The following SEMA3A variants were observed in gnomAD, a reference collection of about 807,000 sequenced individuals.
The protein encoded by SEMA3A is semaphorin-3A.
Under a neutral mutation model 97.9 loss-of-function variants are expected in SEMA3A, and 29 were observed. The observed-to-expected ratio is 0.30, with a 90% CI of 0.22 to 0.40. The LOEUF (loss-of-function observed/expected upper bound fraction) is 0.40. Ranked by LOEUF, SEMA3A falls within the 10% of genes least tolerant of loss-of-function variation. The pLI is 1.00. For synonymous variants in SEMA3A, 321 were observed against 323.7 expected (o/e 0.99, Z 0.09); for missense variants, 763 against 951.3 (o/e 0.80, Z 2.60).
chr7:83,985,416 G>C lies in SEMA3A; in HGVS notation c.1494+20C>G, dbSNP rs1789586172. 1 of 1,563,120 alleles carries C rather than the reference G, an allele frequency of 6.4e-7. No individual in the cohort carries two copies. Among genetic ancestry groups the C allele is most frequent in the Admixed American group, 1.7e-5 (1 of 58,586 alleles). ...TTAACAAAATATTGGATATTCAATG[G>C]TAATACATAATGATAGTACCTGCTT... On this transcript the variant is annotated intron_variant, in intron 13 of 16. Coordinates refer to ENST00000265362, the MANE Select transcript of SEMA3A (RefSeq NM_006080.3).
At chr7:84,175,953 A>G (rs1433328623) in intron 1 of SEMA3A, among the ~76,000 whole-genome samples, 1 of 152,182 alleles carries the variant, frequency 6.6e-6, no homozygotes, top group Non-Finnish European at 1.5e-5. Flanking sequence ...TGATCCACCA[A>G]CACTAACAAG....
At chr7:84,270,522 G>T (rs1481796374) in intron 3 of SEMA3A, among the ~76,000 whole-genome samples, 2 of 146,404 alleles carry the variant, frequency 1.4e-5, no homozygotes, top group East Asian at 2.0e-4. Flanking sequence ...CTCTCTATAT[G>T]CATATATATG....
rs529536848 is a variant in SEMA3A at position 84,021,061 on chromosome 7, G to A, written c.668-6710C>T. 6.2e-4 allele frequency among the ~76,000 whole-genome samples: 95 copies of A among 152,268 alleles called. 1 individual carries two copies. In the South Asian group the frequency reaches 0.019, roughly 31 times the overall value. On this transcript the variant is annotated intron_variant, in intron 6 of 16. Transcript: ENST00000265362. ...TGGATCAATATATATACTTGAGGTG[G>A]GTCACGATTTTGGCTCCCAAGTTTT...
At chr7:84,300,032 C>CAAAAA (rs58929555) in intron 3 of SEMA3A, among the ~76,000 whole-genome samples, 57 of 52,874 alleles carry the variant, frequency 1.1e-3, no homozygotes, top group African/African-American at 2.0e-3. Flanking sequence ...GACTCAGTCA[C>CAAAAA]AAAAAAAAAA....
rs536214389 is a variant in SEMA3A, at chr7:84,200,456, G to GT, written c.-82-5789dup. Among the ~76,000 whole-genome samples the GT allele has an allele frequency of 5.9e-5, 9 of 152,146 alleles. No homozygotes were observed. The East Asian group carries it at 1.7e-3, about 29-fold the overall frequency. On this transcript the variant is annotated intron_variant, in intron 3 of 3. Transcript: ENST00000424555. ...CCAGTAGGTGAATTTTATTAGGTTG[G>GT]TAAGTTTGAGTGGAGGATGAAAGAG...
At chr7:84,183,307 T>G (rs1208410965) in intron 1 of SEMA3A, among the ~76,000 whole-genome samples, 1 of 152,168 alleles carries the variant, frequency 6.6e-6, no homozygotes, top group African/African-American at 2.4e-5. Context: ...GTGAAATTTT[T>G]TTTTCAGTAG....
chr7:84,249,975 T>A (rs1414628886), intron 3 of SEMA3A, among the ~76,000 whole-genome samples: 1 of 151,596 alleles, frequency 6.6e-6, no homozygotes, highest in Non-Finnish European at 1.5e-5. Context: ...TCTAATTGAC[T>A]CTGCTCAAAC....
chr7:84,405,112 G>A (rs554801340), intron 1 of SEMA3A, among the ~76,000 whole-genome samples: 3 of 152,206 alleles, frequency 2.0e-5, no homozygotes, highest in South Asian at 4.2e-4. Context: ...ATTGGATAAA[G>A]GGTCAAGACC....
chr7:84,416,341 C>T (rs546833205), intron 1 of SEMA3A, among the ~76,000 whole-genome samples: 42 of 152,156 alleles, frequency 2.8e-4, no homozygotes, highest in African/African-American at 5.8e-4. Flanking sequence ...TTTCACCTTC[C>T]GCCATGATTC....
chr7:84,089,547 A>T (rs1432334911), intron 4 of SEMA3A, among the ~76,000 whole-genome samples: 1 of 152,114 alleles, frequency 6.6e-6, no homozygotes, highest in Non-Finnish European at 1.5e-5. Context: ...CATTTGACTG[A>T]AATCATACAC....
chr7:84,036,425 G>A (rs1358194437), intron 6 of SEMA3A, among the ~76,000 whole-genome samples: 1 of 152,062 alleles, frequency 6.6e-6, no homozygotes, highest in Non-Finnish European at 1.5e-5. Context: ...GTACATATTG[G>A]TAGCTACCAA....
At chr7:84,119,045 C>A (rs1187869388) in intron 3 of SEMA3A, among the ~76,000 whole-genome samples, 2 of 152,008 alleles carry the variant, frequency 1.3e-5, no homozygotes, top group East Asian at 3.9e-4. Flanking sequence ...GAACTAATGA[C>A]TAAAGGTCAT....
At chr7:84,234,431 G>A (rs1455483565) in intron 3 of SEMA3A, among the ~76,000 whole-genome samples, 4 of 152,082 alleles carry the variant, frequency 2.6e-5, no homozygotes, top group African/African-American at 9.6e-5. Context: ...TGACACACAC[G>A]ATATTCAGTT....
chr7:84,425,007 A>C (rs1804754208), intron 1 of SEMA3A, among the ~76,000 whole-genome samples: 1 of 103,010 alleles, frequency 9.7e-6, no homozygotes, highest in Admixed American at 1.5e-4. Context: ...ATTTATTTAT[A>C]TATATTATTT....
chr7:84,257,756 T>C (rs138485734), intron 3 of SEMA3A, among the ~76,000 whole-genome samples: 1 of 152,264 alleles, frequency 6.6e-6, no homozygotes, highest in East Asian at 1.9e-4. Flanking sequence ...AGACACTACT[T>C]TTTTTCTAGT....
intron 1 of SEMA3A, among the ~76,000 whole-genome samples, chr7:84,404,930 C>G (rs1804028669): frequency 6.6e-6 from 1 of 152,270 alleles, no homozygotes; most frequent in South Asian, 2.1e-4. Flanking sequence ...GTACCAGCCA[C>G]TGCAAAAACA....
intron 4 of SEMA3A, among the ~76,000 whole-genome samples, chr7:84,067,589 A>T (rs1370343278): frequency 6.6e-6 from 1 of 152,188 alleles, no homozygotes; most frequent in Non-Finnish European, 1.5e-5. Context: ...AAAAACAAAC[A>T]ACCCCATCAA....
chr7:84,477,538 A>T (rs946417509), intron 1 of SEMA3A, among the ~76,000 whole-genome samples: 5 of 152,144 alleles, frequency 3.3e-5, no homozygotes, highest in African/African-American at 1.2e-4. Flanking sequence ...TATATTGGAG[A>T]AGACATTCTG....
intron 1 of SEMA3A, among the ~76,000 whole-genome samples, chr7:84,385,132 C>G (rs1344737715): frequency 6.6e-6 from 1 of 151,628 alleles, no homozygotes; most frequent in Admixed American, 6.6e-5. Context: ...AGACACAGAA[C>G]AGATACCATT....
Sources: gnomAD v4.1 joint callset for allele counts (sites outside exome capture counted in the v4.1 genomes callset) on GRCh38, gnomAD v4.1.1 for gene constraint, MANE v1.5 for transcripts, NCBI Gene and HGNC (gene_info 2026-07-23, HGNC 2026-07-21) for gene names.